CLVS1: variants seen among roughly 807,000 people sequenced by gnomAD.
CLVS1 encodes the protein clavesin 1, also known as clavesin-1.
A neutral mutation model predicts 33.1 loss-of-function variants in CLVS1; 10 were observed. That is an observed-to-expected ratio of 0.30 (90% CI 0.19 to 0.51). The LOEUF (loss-of-function observed/expected upper bound fraction) is 0.51. Among genes scored for constraint, CLVS1 ranks in the 20% least tolerant of loss-of-function variants. The pLI, the probability that CLVS1 is intolerant of heterozygous loss-of-function variation, is 0.97. For missense variants in CLVS1, 343 were observed against 433.4 expected, an observed-to-expected ratio of 0.79 and a Z score of 1.85; for synonymous variants, 163 against 166.1, an observed-to-expected ratio of 0.98 and a Z score of 0.14.
At chr8:61,120,797 A>G (rs1805844686) in intron 1 of CLVS1, among the ~76,000 whole-genome samples, 2 of 147,074 alleles carry the variant, frequency 1.4e-5, no homozygotes. Flanking sequence ...AGGGACATTT[A>G]AGTCTGCAGA....
the CLVS1 span, among the ~76,000 whole-genome samples, chr8:61,037,668 T>C: frequency 2.0e-5 from 3 of 152,148 alleles, no homozygotes; most frequent in African/African-American, 7.2e-5. Flanking sequence ...TGCTTAACAG[T>C]AGGTAACAAG....
At chr8:61,319,097 A>C (rs1811109243) in intron 2 of CLVS1, among the ~76,000 whole-genome samples, 1 of 152,022 alleles carries the variant, frequency 6.6e-6, no homozygotes, top group South Asian at 2.1e-4. Context: ...ATAGTCCTGG[A>C]TGTAATTTCT....
At chr8:61,090,149 T>C (rs1805208320) in intron 1 of CLVS1, among the ~76,000 whole-genome samples, 3 of 152,244 alleles carry the variant, frequency 2.0e-5, no homozygotes, top group Non-Finnish European at 4.4e-5. Flanking sequence ...TAAGGAGATA[T>C]ATCACAGTTG....
intron 2 of CLVS1, among the ~76,000 whole-genome samples, chr8:61,198,387 T>C (rs1178673260): frequency 6.6e-6 from 1 of 152,162 alleles, no homozygotes; most frequent in African/African-American, 2.4e-5. Flanking sequence ...AGATACTTTT[T>C]CTTCTTTTTT....
chr8:61,064,537 A>ATTT (rs35743247), intron 1 of CLVS1, among the ~76,000 whole-genome samples: 3 of 88,668 alleles, frequency 3.4e-5, no homozygotes, highest in African/African-American at 7.2e-5. Context: ...TTCTTTGCCC[A>ATTT]TTTTTTTTTT....
At chr8:61,328,757 G>A (rs751287208) in intron 2 of CLVS1, among the ~76,000 whole-genome samples, 1 of 152,146 alleles carries the variant, frequency 6.6e-6, no homozygotes, top group Non-Finnish European at 1.5e-5. Context: ...CTCTCAGCAG[G>A]AGGGAAGTCC....
chr8:61,296,834 G>A (rs2129594290), intron 1 of CLVS1, among the ~76,000 whole-genome samples: 1 of 152,262 alleles, frequency 6.6e-6, no homozygotes, highest in South Asian at 2.1e-4. Flanking sequence ...CTCTGCCCAT[G>A]GAGCTGACTC....
At chr8:61,253,977 T>G (rs530481532) in intron 2 of CLVS1, among the ~76,000 whole-genome samples, 4 of 152,360 alleles carry the variant, frequency 2.6e-5, no homozygotes, top group Non-Finnish European at 4.4e-5. Context: ...CTGCATTCCT[T>G]TGGAGGCGGA....
chr8:60,967,633 A>T, the CLVS1 span: 1 of 455,750 alleles, frequency 2.2e-6, no homozygotes, highest in East Asian at 7.0e-5. Context: ...TGGCTCCTTT[A>T]TCTCCAGGGC....
At chr8:61,085,339 G>A (rs925676868) in intron 1 of CLVS1, among the ~76,000 whole-genome samples, 4 of 152,108 alleles carry the variant, frequency 2.6e-5, no homozygotes, top group Admixed American at 6.5e-5. Flanking sequence ...TAGGTCTATG[G>A]CATGGCATTA....
intron 2 of CLVS1, among the ~76,000 whole-genome samples, chr8:61,166,896 T>C (rs1806877898): frequency 6.6e-6 from 1 of 150,750 alleles, no homozygotes; most frequent in South Asian, 2.1e-4. Flanking sequence ...TTTTCTTTTT[T>C]CTTTAAGAAC....
the CLVS1 span, among the ~76,000 whole-genome samples, chr8:61,047,126 C>T: frequency 6.6e-6 from 1 of 152,106 alleles, no homozygotes; most frequent in Non-Finnish European, 1.5e-5. Context: ...AACAAACAAC[C>T]CCATCGAAAA....
chr8:61,235,185 C>A (rs1808530099), intron 2 of CLVS1, among the ~76,000 whole-genome samples: 1 of 152,120 alleles, frequency 6.6e-6, no homozygotes, highest in Admixed American at 6.5e-5. Flanking sequence ...GTAAAGACTT[C>A]AAAGGTCAAA....
chr8:61,294,669 C>T (rs775143733), intron 1 of CLVS1, among the ~76,000 whole-genome samples: 21 of 152,226 alleles, frequency 1.4e-4, no homozygotes, highest in East Asian at 3.9e-4. Flanking sequence ...TGAAATACTA[C>T]GTACACACAT....
chr8:61,188,635 C>G (rs1410241763), intron 2 of CLVS1, among the ~76,000 whole-genome samples: 2 of 151,930 alleles, frequency 1.3e-5, no homozygotes, highest in East Asian at 3.9e-4. Flanking sequence ...AAATTAGAAC[C>G]TTTATAACAT....
intron 5 of CLVS1, among the ~76,000 whole-genome samples, chr8:61,493,363 T>G (rs879700859): frequency 3.3e-5 from 5 of 152,244 alleles, no homozygotes; most frequent in Admixed American, 2.6e-4. Flanking sequence ...GACCTTAATT[T>G]TCTTATCTGC....
intron 2 of CLVS1, among the ~76,000 whole-genome samples, chr8:61,369,443 C>A (rs186638113): frequency 5.3e-5 from 8 of 152,086 alleles, no homozygotes; most frequent in Non-Finnish European, 1.2e-4. Flanking sequence ...GAGTGTCTCA[C>A]GTGAATTCCC....
intron 2 of CLVS1, among the ~76,000 whole-genome samples, chr8:61,310,353 G>A (rs1194187541): frequency 1.3e-5 from 2 of 152,240 alleles, no homozygotes; most frequent in African/African-American, 4.8e-5. Context: ...TTGAGGCTCA[G>A]AGAGGTTAGG....
chr8:61,045,503 G>A, the CLVS1 span, among the ~76,000 whole-genome samples: 5 of 152,198 alleles, frequency 3.3e-5, no homozygotes, highest in Admixed American at 3.3e-4. Context: ...CAACCTGAAA[G>A]AATAGTGGAA....
Sources: allele counts gnomAD v4.1 joint callset (sites outside exome capture counted in the v4.1 genomes callset), GRCh38; gene constraint gnomAD v4.1.1; transcripts MANE v1.5; gene names NCBI Gene and HGNC (gene_info 2026-07-23, HGNC 2026-07-21).